FYTTD1: variants seen among roughly 807,000 people sequenced by gnomAD.
FYTTD1 encodes UAP56-interacting factor.
In FYTTD1, 22 loss-of-function variants were observed where a neutral mutation model predicts 40.9. The ratio of observed to expected loss-of-function variants is 0.54; its 90% CI spans 0.38 to 0.77. The LOEUF (loss-of-function observed/expected upper bound fraction) is 0.77. Among genes scored for constraint, FYTTD1 ranks in the 30% least tolerant of loss-of-function variants. FYTTD1 has a pLI of 0.00. For missense variants in FYTTD1, 351 were observed against 392.2 expected, an observed-to-expected ratio of 0.90 and a Z score of 0.89; for synonymous variants, 140 against 137.9, an observed-to-expected ratio of 1.01 and a Z score of -0.10.
Position 197,768,518 on chromosome 3 carries a change from T to C in FYTTD1, c.315T>C (p.Leu105=). 6.2e-7 allele frequency: 1 copy of C among 1,613,662 alleles called. No homozygotes were observed. Among genetic ancestry groups the C allele is most frequent in the Non-Finnish European group, 8.5e-7 (1 of 1,179,612 alleles). Residue 105 remains leucine (L), a synonymous_variant, in exon 3 of 9, where the codon CTT becomes CTC. Coordinates refer to ENST00000241502, the MANE Select transcript of FYTTD1 (RefSeq NM_032288.7). ...KRRPNGVITG[L]AARKTTGIRK... is the part of the protein sequence containing the mutation. ...GTCCTAATGGAGTTATCACTGGCCT[T>C]GCAGCTAGGAAAACGACTGGAATTC...
rs1163490382 is a variant in FYTTD1 at position 197,759,877 on chromosome 3, TTCAGTGGTAGAATGTATAGGGTGTTCC to T, written c.235+3340_235+3366del. 9.8e-3 allele frequency among the ~76,000 whole-genome samples: 1,428 copies of T among 144,984 alleles called. 13 individuals are homozygous for T. The highest frequency in any genetic ancestry group is 0.038 in the African/African-American group (1,348 of 35,134). On this transcript the variant is annotated intron_variant, in intron 2 of 8. Transcript: ENST00000241502. Reference sequence around the variant, plus strand: ...CAGTGGTAGAACGAATAGGGTGTTCTTCAGTGGTAGAATGTATAGGGTGTTCCTCAGTGGTAGAATGTATAGAGTGTT... The same window carrying T: ...CAGTGGTAGAACGAATAGGGTGTTCTTCAGTGGTAGAATGTATAGAGTGTT...
intron 1 of FYTTD1, among the ~76,000 whole-genome samples, chr3:197,755,072 G>C (rs1729171325): frequency 6.6e-6 from 1 of 152,180 alleles, no homozygotes; most frequent in Non-Finnish European, 1.5e-5. Context: ...GTGTATTTTT[G>C]TTTGTGAATT....
chr3:197,776,068 TCTG>T lies in FYTTD1; in HGVS notation c.657-855_657-853del, dbSNP rs1166908730. Among the ~76,000 whole-genome samples, 7 of 152,260 alleles carry T rather than the reference TCTG, an allele frequency of 4.6e-5. No individual in the cohort carries two copies. The East Asian group carries it at 1.2e-3, about 25-fold the overall frequency. On this transcript the variant is annotated intron_variant, in intron 6 of 8. Coordinates refer to ENST00000241502, the MANE Select transcript of FYTTD1 (RefSeq NM_032288.7). ...AAAGCTGGGGGTGGGTTCAAGAGAT[TCTG>T]CTGAAAGAAACAGAGATTTAAGTAT... is the stretch of plus-strand genomic sequence containing the variant.
At chr3:197,765,322 C>T (rs1729513075) in intron 2 of FYTTD1, among the ~76,000 whole-genome samples, 1 of 152,010 alleles carries the variant, frequency 6.6e-6, no homozygotes, top group South Asian at 2.1e-4. Flanking sequence ...GAATATTTTC[C>T]AGTTTCTTCC....
Position 197,773,394 on chromosome 3 carries a change from T to C in FYTTD1, c.498-9T>C. 2 of 1,550,070 alleles carry C rather than the reference T, an allele frequency of 1.3e-6. No individual in the cohort carries two copies. The highest frequency in any genetic ancestry group is 1.8e-6 in the Non-Finnish European group (2 of 1,125,872). On this transcript the variant is annotated splice_polypyrimidine_tract_variant and intron_variant, in intron 4 of 8. Coordinates refer to ENST00000241502, the MANE Select transcript of FYTTD1 (RefSeq NM_032288.7). The stretch of plus-strand genomic sequence containing the variant: ...ATGGCTTAGCATGGCCTATGTGTTT[T>C]TGTTGCAGAAATAACATTCCAGCTA...
intron 2 of FYTTD1, 25 bp downstream of exon 2, chr3:197,756,582 T>C: frequency 6.3e-7 from 1 of 1,598,232 alleles, no homozygotes; most frequent in Non-Finnish European, 8.6e-7. Flanking sequence ...TAAGCTTTAA[T>C]GGAAAGCTGT....
At chr3:197,768,191 C>A (rs979557322) in intron 2 of FYTTD1, among the ~76,000 whole-genome samples, 2 of 152,114 alleles carry the variant, frequency 1.3e-5, no homozygotes, top group Non-Finnish European at 2.9e-5. Context: ...AAACTAATGA[C>A]AAAAGAGTAT....
intron 1 of FYTTD1, among the ~76,000 whole-genome samples, chr3:197,753,795 G>GC (rs1729135108): frequency 6.6e-6 from 1 of 151,658 alleles, no homozygotes; most frequent in Admixed American, 6.6e-5. Context: ...TTGCTCTGTC[G>GC]CCCAGGCTGG....
Position 197,765,718 on chromosome 3 carries a change from C to T in FYTTD1, c.236-2721C>T, listed in dbSNP as rs141399945. ...CTGTACTAAAAATACAAAAATAGTC[C>T]GGGCGCAGTGGCTCACACCTGTAAT... On this transcript the variant is annotated intron_variant, in intron 2 of 8. Coordinates refer to ENST00000241502, the MANE Select transcript of FYTTD1 (RefSeq NM_032288.7). 8.5e-3 allele frequency among the ~76,000 whole-genome samples: 1,288 copies of T among 151,824 alleles called. 10 individuals carry two copies. Among genetic ancestry groups the T allele is most frequent in the African/African-American group, 0.028 (1,161 of 41,400 alleles).
intron 1 of FYTTD1, among the ~76,000 whole-genome samples, chr3:197,753,592 C>G (rs995129432): frequency 6.7e-6 from 1 of 149,620 alleles, no homozygotes; most frequent in African/African-American, 2.5e-5. Flanking sequence ...AAGCCGTTTT[C>G]TTTTTTTAGA....
At chr3:197,758,403 T>C (rs1319474382) in intron 2 of FYTTD1, among the ~76,000 whole-genome samples, 1 of 152,324 alleles carries the variant, frequency 6.6e-6, no homozygotes, top group East Asian at 1.9e-4. Context: ...TCCTAGGGGG[T>C]ACATAAAGAT....
chr3:197,763,844 A>T (rs187535189), intron 2 of FYTTD1, among the ~76,000 whole-genome samples: 1 of 152,366 alleles, frequency 6.6e-6, no homozygotes, highest in East Asian at 1.9e-4. Context: ...AAAGAAATTC[A>T]TGAATAGATT....
chr3:197,754,851 G>A (rs1057064745), intron 1 of FYTTD1, among the ~76,000 whole-genome samples: 1 of 151,868 alleles, frequency 6.6e-6, no homozygotes, highest in African/African-American at 2.4e-5. Flanking sequence ...ATTATTTGTG[G>A]AGATGAGGTT....
At chr3:197,768,865 T>C (rs1220805773) in intron 3 of FYTTD1, among the ~76,000 whole-genome samples, 1 of 152,094 alleles carries the variant, frequency 6.6e-6, no homozygotes, top group East Asian at 1.9e-4. Context: ...TGATCTTGGC[T>C]CACTGCAATG....
At chr3:197,758,268 G>C (rs1729267142) in intron 2 of FYTTD1, among the ~76,000 whole-genome samples, 2 of 151,426 alleles carry the variant, frequency 1.3e-5, no homozygotes. Context: ...TGTATTATTT[G>C]TTTTTAAAAT....
At chr3:197,771,731 C>A (rs895195492) in intron 4 of FYTTD1, among the ~76,000 whole-genome samples, 1 of 143,052 alleles carries the variant, frequency 7.0e-6, no homozygotes, top group African/African-American at 2.6e-5. Context: ...GAGCCGAGAT[C>A]CCGCCACTGC....
chr3:197,751,557 C>T (rs1729047888), intron 1 of FYTTD1, among the ~76,000 whole-genome samples: 1 of 152,110 alleles, frequency 6.6e-6, no homozygotes, highest in South Asian at 2.1e-4. Flanking sequence ...ATAGCTGGAA[C>T]CCGCGGGCGG....
At chr3:197,757,853 T>C (rs1308149898) in intron 2 of FYTTD1, among the ~76,000 whole-genome samples, 1 of 152,232 alleles carries the variant, frequency 6.6e-6, no homozygotes, top group Non-Finnish European at 1.5e-5. Context: ...GGGAGTAAAT[T>C]TCATGACAGG....
chr3:197,760,977 C>A (rs62283412), intron 2 of FYTTD1, among the ~76,000 whole-genome samples: 118,529 of 141,638 alleles, frequency 0.84, 49,432 homozygotes, highest in East Asian at 0.97. Flanking sequence ...AATGTATAGA[C>A]TTGTTCTTCA....
Sources: allele counts gnomAD v4.1 joint callset (sites outside exome capture counted in the v4.1 genomes callset), GRCh38; gene constraint gnomAD v4.1.1; transcripts MANE v1.5; gene names NCBI Gene and HGNC (gene_info 2026-07-23, HGNC 2026-07-21).